GLIS3: variants seen among roughly 807,000 people sequenced by gnomAD.
The protein encoded by GLIS3 is zinc finger protein GLIS3.
GLIS3 carries 53 observed loss-of-function variants against 78.6 expected under a neutral mutation model. The observed-to-expected ratio is 0.67, with a 90% confidence interval of 0.54 to 0.85. The LOEUF is 0.85. GLIS3 is among the 40% of genes least tolerant of loss of function. The pLI is 0.00. For missense variants in GLIS3, 1,703 were observed against 1,231.1 expected, an observed-to-expected ratio of 1.38 and a Z score of -5.74; for synonymous variants, 684 against 509.9, an observed-to-expected ratio of 1.34 and a Z score of -4.60.
chr9:4,146,885 C>A (rs1834263783), intron 2 of GLIS3, among the ~76,000 whole-genome samples: 1 of 152,186 alleles, frequency 6.6e-6, no homozygotes, highest in African/African-American at 2.4e-5. Flanking sequence ...TTTTATTTGA[C>A]ACTCATTCTG....
At chr9:4,223,286 T>G (rs1297678582) in intron 2 of GLIS3, among the ~76,000 whole-genome samples, 2 of 152,218 alleles carry the variant, frequency 1.3e-5, no homozygotes, top group African/African-American at 4.8e-5. Flanking sequence ...CCACTTCTAC[T>G]GTGTCACTTT....
intron 2 of GLIS3, among the ~76,000 whole-genome samples, chr9:4,184,890 A>T (rs1012657663): frequency 9.9e-6 from 1 of 101,252 alleles, no homozygotes; most frequent in Non-Finnish European, 2.2e-5. Flanking sequence ...AGTATTAAAT[A>T]TTGGGTTACA....
the GLIS3 span, among the ~76,000 whole-genome samples, chr9:4,427,746 C>T: frequency 6.6e-6 from 1 of 151,842 alleles, no homozygotes; most frequent in Non-Finnish European, 1.5e-5. Flanking sequence ...GCAATCCCAG[C>T]TACTCAGAAG....
intron 2 of GLIS3, among the ~76,000 whole-genome samples, chr9:4,255,505 T>C (rs1272172621): frequency 6.6e-6 from 1 of 152,154 alleles, no homozygotes; most frequent in African/African-American, 2.4e-5. Context: ...CAGTCGTATA[T>C]CCAGACAATG....
intron 2 of GLIS3, among the ~76,000 whole-genome samples, chr9:4,329,283 C>T (rs935537500): frequency 3.3e-5 from 5 of 152,182 alleles, no homozygotes; most frequent in African/African-American, 9.7e-5. Flanking sequence ...TGTGTGTGTG[C>T]AGTGCCATTT....
chr9:4,125,909 T>A lies in GLIS3; in HGVS notation c.421A>T (p.Ile141Phe), dbSNP rs1055960715. 6.2e-7 allele frequency: 1 copy of A among 1,613,798 alleles called. No homozygotes were observed. The highest frequency in any genetic ancestry group is 1.3e-5 in the African/African-American group (1 of 74,866). ...ALGFGPQCKS[I>F]GKGSCNNLVV... is the part of the protein sequence containing the mutation. ...AGATTGTTGCAGCTGCCTTTTCCAA[T>A]GGACTTGCACTGAGGCCCAAAGCCA... The change falls in exon 3 of 11, where the codon ATT becomes TTT. Residue 141 changes from isoleucine to phenylalanine, a missense_variant. Physicochemically the swap from Ile to Phe is conservative, Grantham distance 21. Coordinates refer to ENST00000381971, the MANE Select transcript of GLIS3 (RefSeq NM_001042413.2).
Position 4,314,790 on chromosome 9 carries a change from C to T in GLIS3, n.265-4262G>A, listed in dbSNP as rs550251939. Among the ~76,000 whole-genome samples, 7 of 152,326 alleles carry T rather than the reference C, an allele frequency of 4.6e-5. 1 individual carries two copies. In the South Asian group the frequency reaches 8.3e-4, roughly 18 times the overall value. On this transcript the variant is annotated intron_variant and non_coding_transcript_variant, in intron 2 of 4. Transcript: ENST00000471664. ...GGGATTTTGGGCAAGTTCCTTTAACCTCTGTCCCTGAGCCTTCATAGGGCT... is the reference window on the plus strand; with the variant it reads ...GGGATTTTGGGCAAGTTCCTTTAACTTCTGTCCCTGAGCCTTCATAGGGCT...
At chr9:3,832,483 C>G (rs1005753728) in intron 9 of GLIS3, among the ~76,000 whole-genome samples, 4 of 152,126 alleles carry the variant, frequency 2.6e-5, no homozygotes, top group African/African-American at 9.7e-5. Context: ...GCTCCTCAAT[C>G]CTGCACTAAT....
chr9:4,282,739 C>A (rs191810776), intron 2 of GLIS3, among the ~76,000 whole-genome samples: 68 of 146,064 alleles, frequency 4.7e-4, no homozygotes, highest in Non-Finnish European at 7.6e-4. Flanking sequence ...TAACAAATTT[C>A]TTTATATATA....
chr9:4,093,317 A>G (rs1829678810), intron 4 of GLIS3, among the ~76,000 whole-genome samples: 1 of 152,212 alleles, frequency 6.6e-6, no homozygotes, highest in Non-Finnish European at 1.5e-5. Context: ...AAAATACTGA[A>G]AAGAGCCAGT....
intron 2 of GLIS3, among the ~76,000 whole-genome samples, chr9:4,318,642 TA>T (rs1304335232): frequency 2.0e-5 from 3 of 152,162 alleles, no homozygotes; most frequent in Admixed American, 2.0e-4. Flanking sequence ...AATATATAAA[TA>T]AGTAAATAAT....
the GLIS3 span, among the ~76,000 whole-genome samples, chr9:4,479,905 T>C: frequency 1.6e-5 from 1 of 63,326 alleles, no homozygotes; most frequent in Non-Finnish European, 3.7e-5. Flanking sequence ...TTTCTTCTTC[T>C]TTTTTTTTTT....
the GLIS3 span, among the ~76,000 whole-genome samples, chr9:4,414,928 G>C: frequency 6.6e-6 from 1 of 151,660 alleles, no homozygotes; most frequent in African/African-American, 2.4e-5. Flanking sequence ...TCTATCCACT[G>C]ATCCCCACCC....
At chr9:4,228,679 G>C (rs777238717) in intron 2 of GLIS3, among the ~76,000 whole-genome samples, 1 of 152,162 alleles carries the variant, frequency 6.6e-6, no homozygotes, top group Non-Finnish European at 1.5e-5. Flanking sequence ...TAGGCCTTCA[G>C]GTAAACACAT....
At chr9:4,423,933 A>T in the GLIS3 span, among the ~76,000 whole-genome samples, 2 of 152,224 alleles carry the variant, frequency 1.3e-5, no homozygotes, top group African/African-American at 4.8e-5. Context: ...ATGACCAAAC[A>T]ATGACCCTAA....
the GLIS3 span, among the ~76,000 whole-genome samples, chr9:4,370,388 T>C: frequency 6.6e-6 from 1 of 152,088 alleles, no homozygotes; most frequent in Non-Finnish European, 1.5e-5. Flanking sequence ...TGTTGCCTTG[T>C]CTCTAGCCCA....
At chr9:4,334,662 A>G (rs1465932310) in intron 2 of GLIS3, among the ~76,000 whole-genome samples, 4 of 152,266 alleles carry the variant, frequency 2.6e-5, no homozygotes. Context: ...CACTGTCCCC[A>G]TGCTGCTTTG....
chr9:4,398,274 C>T, the GLIS3 span, among the ~76,000 whole-genome samples: 1 of 151,920 alleles, frequency 6.6e-6, no homozygotes, highest in African/African-American at 2.4e-5. Flanking sequence ...TTTTCTACAT[C>T]CTTGATACTC....
chr9:4,007,894 C>CGT (rs1821684429), intron 4 of GLIS3, among the ~76,000 whole-genome samples: 1 of 10,660 alleles, frequency 9.4e-5, no homozygotes, highest in African/African-American at 4.4e-4. Flanking sequence ...GGTGGGTGGG[C>CGT]GTTGGGGGGG....
Sources: allele counts gnomAD v4.1 joint callset (sites outside exome capture counted in the v4.1 genomes callset), GRCh38; gene constraint gnomAD v4.1.1; transcripts MANE v1.5; gene names NCBI Gene and HGNC (gene_info 2026-07-23, HGNC 2026-07-21).